PRR14L: variants seen among roughly 807,000 people sequenced by gnomAD.
PRR14L encodes proline rich 14 like, also known as protein PRR14L.
In PRR14L, 80 loss-of-function variants were observed where a neutral mutation model predicts 155.0. That is an observed-to-expected ratio of 0.52 (90% CI 0.43 to 0.62). The LOEUF is 0.62. PRR14L is among the 20% of genes least tolerant of loss of function. PRR14L has a pLI of 0.00. For synonymous variants in PRR14L, 883 were observed against 916.0 expected (o/e 0.96, Z 0.65); for missense variants, 2,469 against 2,548.0 (o/e 0.97, Z 0.67).
rs1274103064 is a variant in PRR14L at position 31,683,499 on chromosome 22, G to C, written c.*2028C>G. ...AGAACCCTGTCCCAGGAAGGGAGAG[G>C]TATTGAGGTGAAACATAGGTCGTGT... On this transcript the variant is annotated 3_prime_UTR_variant, in exon 9 of 9. Transcript: ENST00000327423. 1 of 152,242 alleles carries C rather than the reference G, an allele frequency of 6.6e-6. No homozygotes were observed. The highest frequency in any genetic ancestry group is 1.5e-5 in the Non-Finnish European group (1 of 68,092). The allele number at this position is 152,242 out of a possible 1,614,324, so 9.4% of individuals were successfully genotyped here. A position where few individuals can be genotyped will look rare whatever the true frequency, so the allele number is the denominator to read the frequency against.
chr22:31,743,935 G>A (rs1448224166), intron 1 of PRR14L, among the ~76,000 whole-genome samples: 2 of 151,080 alleles, frequency 1.3e-5, no homozygotes, highest in Admixed American at 6.6e-5. Context: ...TTGAATAACT[G>A]AGTCTTTGAG....
At position 31,713,632 on chromosome 22, in the gene PRR14L, C is replaced by G; in HGVS notation, c.4207G>C (p.Glu1403Gln). Reference sequence around the variant, plus strand: ...GCTTTTTGTTGACGTATATATTTCTCTTCTTTCTGCAACATGTAGTCCAAA... The same window carrying G: ...GCTTTTTGTTGACGTATATATTTCTGTTCTTTCTGCAACATGTAGTCCAAA... The part of the protein sequence containing the change: ...EVLDYMLQKE[E>Q]KYIRQQKAHT... The change falls in exon 4 of 9, where the codon GAG becomes CAG. Residue 1403 changes from glutamate (E) to glutamine (Q), a missense_variant. Glu to Gln is a conservative substitution (Grantham distance 29, BLOSUM62 2). Around this residue, in one of 2 missense-constraint regions of PRR14L, gnomAD observed 2,363 missense variants for 2,371.6 expected, o/e 1.00. Transcript: ENST00000327423. The G allele has an allele frequency of 6.4e-7, 1 of 1,551,914 alleles. No individual in the cohort carries two copies. Among genetic ancestry groups the G allele is most frequent in the Non-Finnish European group, 8.7e-7 (1 of 1,147,044 alleles).
At chr22:31,687,765 C>T (rs769572955) in intron 8 of PRR14L, among the ~76,000 whole-genome samples, 4 of 151,018 alleles carry the variant, frequency 2.6e-5, no homozygotes, top group South Asian at 4.2e-4. Flanking sequence ...CAATATTGGC[C>T]GGGCGCGGTG....
intron 4 of PRR14L, among the ~76,000 whole-genome samples, chr22:31,707,386 C>T (rs1240442861): frequency 6.6e-6 from 1 of 151,912 alleles, no homozygotes; most frequent in Non-Finnish European, 1.5e-5. Context: ...GTGGCACAAC[C>T]TATTTTTTTT....
chr22:31,688,242 G>T lies in PRR14L; in HGVS notation c.6108-15C>A. 1 of 1,561,434 alleles carries T rather than the reference G, an allele frequency of 6.4e-7. No homozygotes were observed. The highest frequency in any genetic ancestry group is 8.6e-7 in the Non-Finnish European group (1 of 1,158,464). ...TCTTCTTTAACCTGAAAAGAAATAAGGAAAAAAATTCTTCAGGTTCTCTCT... is the reference window on the plus strand; with the variant it reads ...TCTTCTTTAACCTGAAAAGAAATAATGAAAAAAATTCTTCAGGTTCTCTCT... On this transcript the variant is annotated splice_polypyrimidine_tract_variant and intron_variant, in intron 7 of 8. Transcript: ENST00000327423.
intron 7 of PRR14L, among the ~76,000 whole-genome samples, chr22:31,697,654 C>T: frequency 6.6e-6 from 1 of 151,996 alleles, no homozygotes; most frequent in Non-Finnish European, 1.5e-5. Context: ...TCACTTGAGC[C>T]TGGGAGTTCA....
chr22:31,698,581 A>G (rs2074546982), intron 7 of PRR14L, among the ~76,000 whole-genome samples: 1 of 151,876 alleles, frequency 6.6e-6, no homozygotes, highest in African/African-American at 2.4e-5. Context: ...AAATCAATAG[A>G]TTTAGTTCTG....
chr22:31,704,259 G>A (rs1037718088), intron 5 of PRR14L, among the ~76,000 whole-genome samples: 2 of 152,086 alleles, frequency 1.3e-5, no homozygotes, highest in Non-Finnish European at 2.9e-5. Context: ...AATTTTATAA[G>A]GAAAAATGTA....
rs1336489475 is a variant in PRR14L, at chr22:31,713,210, T to A, written c.4629A>T (p.Lys1543Asn). ...EQIIVGRKIG[K>N]IRSSAFLKSS... is the part of the protein sequence containing the mutation. ...TCTTTAAAAAGGCAGAACTTCTGAT[T>A]TTACCTATTTTTCTCCCAACAATGA... The change falls in exon 4 of 9, where the codon AAA (lysine) becomes AAT (asparagine). Residue 1543 changes from lysine to asparagine, a missense_variant. By Grantham distance (94) the Lys-to-Asn change is moderately conservative. Transcript: ENST00000327423. 2 of 1,551,810 alleles carry A rather than the reference T, an allele frequency of 1.3e-6. No homozygotes were observed. Among genetic ancestry groups the A allele is most frequent in the Admixed American group, 3.9e-5 (2 of 50,994 alleles).
In PRR14L at chr22:31,692,081, T is replaced by C. The variant is rs180848014; in HGVS notation, c.6108-3854A>G. ...TGGGGTTTCACCATATTGGCCAGGCTGGTCTCGAACTCCTGACCTCAGATG... is the reference window on the plus strand; with the variant it reads ...TGGGGTTTCACCATATTGGCCAGGCCGGTCTCGAACTCCTGACCTCAGATG... On this transcript the variant is annotated intron_variant, in intron 7 of 8. Coordinates refer to ENST00000327423, the MANE Select transcript of PRR14L (RefSeq NM_173566.3). 1.6e-4 allele frequency among the ~76,000 whole-genome samples: 25 copies of C among 152,290 alleles called. No individual in the cohort carries two copies. The East Asian group carries it at 3.5e-3, about 21-fold the overall frequency.
intron 1 of PRR14L, among the ~76,000 whole-genome samples, chr22:31,741,323 G>A (rs910499372): frequency 8.0e-5 from 12 of 150,610 alleles, no homozygotes; most frequent in African/African-American, 2.4e-4. Flanking sequence ...TTAGCCAGGC[G>A]TGGTGGCAGG....
At chr22:31,686,219 C>T (rs1234377978) in intron 8 of PRR14L, among the ~76,000 whole-genome samples, 2 of 151,848 alleles carry the variant, frequency 1.3e-5, no homozygotes, top group Non-Finnish European at 2.9e-5. Context: ...CTGCCTCAGC[C>T]TCCCAAGTAG....
At chr22:31,719,937 T>C (rs772748738) in intron 3 of PRR14L, among the ~76,000 whole-genome samples, 196 of 152,058 alleles carry the variant, frequency 1.3e-3, no homozygotes, top group Non-Finnish European at 1.3e-3. Flanking sequence ...AGGTTATTTA[T>C]GTTGCCCAGG....
intron 3 of PRR14L, among the ~76,000 whole-genome samples, chr22:31,722,417 GAAAA>G (rs563612373): frequency 1.2e-5 from 1 of 82,184 alleles, no homozygotes; most frequent in African/African-American, 4.1e-5. Flanking sequence ...GTGACAGAAA[GAAAA>G]AAAAAAAAAA....
chr22:31,713,153 G>A lies in PRR14L; in HGVS notation c.4686C>T (p.His1562=). ...SSSNPIPTKA[H]RLLSLCTLSA... is the part of the protein sequence containing the mutation. ...ACAGAGTACACAAACTGAGAAGTCT[G>A]TGCGCTTTTGTGGGGATGGGATTGG... The change falls in exon 4 of 9, where the codon CAC becomes CAT. Residue 1562 remains histidine (H), a synonymous_variant. Transcript: ENST00000327423. 1 of 1,552,074 alleles carries A rather than the reference G, an allele frequency of 6.4e-7. No individual in the cohort carries two copies. The highest frequency in any genetic ancestry group is 8.7e-7 in the Non-Finnish European group (1 of 1,147,060).
intron 4 of PRR14L, among the ~76,000 whole-genome samples, chr22:31,710,541 C>G (rs950860980): frequency 6.6e-6 from 1 of 151,744 alleles, no homozygotes; most frequent in Non-Finnish European, 1.5e-5. Flanking sequence ...CAAGTTCTGC[C>G]TCCCGGGTTC....
intron 4 of PRR14L, among the ~76,000 whole-genome samples, 199 bp from the exon 5 acceptor site, chr22:31,704,925 G>A (rs1436470459): frequency 6.6e-6 from 1 of 152,152 alleles, no homozygotes; most frequent in African/African-American, 2.4e-5. Context: ...CTGACAGGAA[G>A]ATTATTTTCT....
chr22:31,744,804 C>T (rs1047896035), intron 1 of PRR14L, among the ~76,000 whole-genome samples: 2 of 152,182 alleles, frequency 1.3e-5, no homozygotes, highest in African/African-American at 4.8e-5. Flanking sequence ...CGGTCATACA[C>T]AAATACAGGT....
At chr22:31,697,301 CA>C (rs35748258) in intron 7 of PRR14L, among the ~76,000 whole-genome samples, 146 of 58,612 alleles carry the variant, frequency 2.5e-3, no homozygotes, top group East Asian at 4.1e-3. Flanking sequence ...TACTCTGTCT[CA>C]AAAAAAAAAA....
Sources: allele counts gnomAD v4.1 joint callset (sites outside exome capture counted in the v4.1 genomes callset), GRCh38; gene constraint gnomAD v4.1.1; regional missense constraint gnomAD v4.1.1; transcripts MANE v1.5; gene names NCBI Gene and HGNC (gene_info 2026-07-23, HGNC 2026-07-21).